PAX5: variants seen among roughly 807,000 people sequenced by gnomAD.
PAX5 encodes the protein paired box 5.
In PAX5, 9 loss-of-function variants were observed where a neutral mutation model predicts 43.7. That is an observed-to-expected ratio of 0.21 (90% CI 0.12 to 0.36). PAX5 has a LOEUF of 0.36. PAX5 is among the 10% of genes least tolerant of loss of function. The pLI, the probability that PAX5 is intolerant of heterozygous loss-of-function variation, is 1.00. For missense variants in PAX5, 383 were observed against 532.7 expected (o/e 0.72, Z 2.77); for synonymous variants, 228 against 214.3 (o/e 1.06, Z -0.56).
At chr9:36,887,065 T>G (rs571359117) in intron 7 of PAX5, among the ~76,000 whole-genome samples, 1 of 152,220 alleles carries the variant, frequency 6.6e-6, no homozygotes, top group Non-Finnish European at 1.5e-5. Context: ...GGATGAGTTT[T>G]GACTGGCCCA....
chr9:36,892,413 C>T (rs1465181842), intron 7 of PAX5, among the ~76,000 whole-genome samples: 1 of 152,208 alleles, frequency 6.6e-6, no homozygotes, highest in Non-Finnish European at 1.5e-5. Context: ...TAGCGCCAAG[C>T]ATTGTTCTAA....
intron 5 of PAX5, among the ~76,000 whole-genome samples, chr9:37,001,458 C>T (rs1837843909): frequency 6.6e-6 from 1 of 152,268 alleles, no homozygotes; most frequent in African/African-American, 2.4e-5. Context: ...TGCAGCAACA[C>T]AGCACCGCAG....
intron 8 of PAX5, among the ~76,000 whole-genome samples, chr9:36,860,627 A>G (rs533450315): frequency 1.3e-5 from 2 of 152,328 alleles, no homozygotes; most frequent in Admixed American, 1.3e-4. Flanking sequence ...AAGCTTGAGA[A>G]GCACTGATCC....
intron 9 of PAX5, among the ~76,000 whole-genome samples, chr9:36,843,062 G>A (rs1822215902): frequency 6.6e-6 from 1 of 151,916 alleles, no homozygotes; most frequent in South Asian, 2.1e-4. Context: ...GTGTATCAGT[G>A]TGTGAGCGTG....
intron 7 of PAX5, among the ~76,000 whole-genome samples, chr9:36,911,265 C>T (rs1317472361): frequency 6.6e-6 from 1 of 152,206 alleles, no homozygotes; most frequent in Non-Finnish European, 1.5e-5. Context: ...CGGCCTGGCA[C>T]AGAGCGAGAG....
intron 6 of PAX5, among the ~76,000 whole-genome samples, chr9:36,930,547 A>G (rs990979267): frequency 1.3e-5 from 2 of 152,086 alleles, no homozygotes; most frequent in Non-Finnish European, 2.9e-5. Flanking sequence ...TTTTATCTGC[A>G]TCATTGATAG....
intron 8 of PAX5, among the ~76,000 whole-genome samples, chr9:36,847,867 C>T (rs538903001): frequency 6.6e-6 from 1 of 152,286 alleles, no homozygotes; most frequent in East Asian, 1.9e-4. Context: ...CACCTTGCTG[C>T]CTTGGTCTTG....
intron 7 of PAX5, among the ~76,000 whole-genome samples, chr9:36,907,438 T>C (rs1165784655): frequency 6.6e-6 from 1 of 152,094 alleles, no homozygotes; most frequent in African/African-American, 2.4e-5. Flanking sequence ...AAGTCAGCTG[T>C]CTCTATGCCA....
intron 5 of PAX5, among the ~76,000 whole-genome samples, chr9:36,979,420 T>C (rs1835725582): frequency 2.0e-5 from 3 of 152,234 alleles, no homozygotes; most frequent in Admixed American, 1.3e-4. Context: ...CTGTACCTTA[T>C]AGGGGCATAT....
chr9:36,962,320 G>A (rs1834040297), intron 6 of PAX5, among the ~76,000 whole-genome samples: 1 of 152,202 alleles, frequency 6.6e-6, no homozygotes, highest in Non-Finnish European at 1.5e-5. Context: ...GGAGGCCCAT[G>A]GAACCATCTT....
intron 7 of PAX5, among the ~76,000 whole-genome samples, chr9:36,903,836 C>T (rs1389993069): frequency 1.3e-5 from 2 of 152,324 alleles, no homozygotes; most frequent in African/African-American, 4.8e-5. Flanking sequence ...GGCCTGAAAT[C>T]CACCTATCAG....
At chr9:36,978,697 C>G (rs1356993985) in intron 5 of PAX5, among the ~76,000 whole-genome samples, 1 of 152,096 alleles carries the variant, frequency 6.6e-6, no homozygotes. Flanking sequence ...CACTAAATTT[C>G]TCCAAGATGG....
Position 37,002,794 on chromosome 9 carries a change from G to A in PAX5, c.476-18C>T, listed in dbSNP as rs767023215. ...AGTGGACACTGCGCGGAGAAAGACG[G>A]GCGGTCAGGGCCGCAGAGGGCTGAG... On this transcript the variant is annotated intron_variant, in intron 4 of 9. Transcript: ENST00000358127. The A allele has an allele frequency of 1.9e-6, 3 of 1,601,542 alleles. No homozygotes were observed. The African/African-American group carries it at 4.0e-5, about 21-fold the overall frequency.
At chr9:36,940,133 C>G (rs2132054818) in intron 6 of PAX5, among the ~76,000 whole-genome samples, 1 of 152,330 alleles carries the variant, frequency 6.6e-6, no homozygotes, top group South Asian at 2.1e-4. Flanking sequence ...CTACTCCTTC[C>G]AGACCATCAC....
intron 7 of PAX5, among the ~76,000 whole-genome samples, chr9:36,905,994 G>A (rs1261415337): frequency 6.6e-6 from 1 of 152,152 alleles, no homozygotes; most frequent in Non-Finnish European, 1.5e-5. Flanking sequence ...ACCAGCCAGT[G>A]CTCACAGAGA....
intron 5 of PAX5, among the ~76,000 whole-genome samples, chr9:36,994,610 G>A (rs1837230504): frequency 6.6e-6 from 1 of 152,162 alleles, no homozygotes; most frequent in Admixed American, 6.5e-5. Flanking sequence ...TTCATGCTAA[G>A]ACTCCAGAAG....
At chr9:36,969,467 C>A (rs536192737) in intron 5 of PAX5, among the ~76,000 whole-genome samples, 2 of 152,366 alleles carry the variant, frequency 1.3e-5, no homozygotes, top group South Asian at 4.1e-4. Context: ...GTCTGGTCAC[C>A]CAGTAGAGCC....
At chr9:37,029,123 T>A (rs1022374567) in intron 1 of PAX5, among the ~76,000 whole-genome samples, 4 of 152,214 alleles carry the variant, frequency 2.6e-5, no homozygotes, top group African/African-American at 9.7e-5. Context: ...ATATTAAACA[T>A]AAATCCACAA....
In PAX5 at chr9:36,892,536, GAT is replaced by G. The variant is rs374503942; in HGVS notation, c.911-10433_911-10432del. Reference sequence around the variant, plus strand: ...TACTCAGCTCTTAAGAGGTGAGCTGGATGCAGGCTGAGGCTGACTTCAGAGCC... The same window carrying G: ...TACTCAGCTCTTAAGAGGTGAGCTGGGCAGGCTGAGGCTGACTTCAGAGCC... On this transcript the variant is annotated intron_variant, in intron 7 of 9. Coordinates refer to ENST00000358127, the MANE Select transcript of PAX5 (RefSeq NM_016734.3). 4.0e-4 allele frequency among the ~76,000 whole-genome samples: 61 copies of G among 152,264 alleles called. No homozygotes were observed. In the East Asian group the frequency reaches 9.8e-3, roughly 25 times the overall value.
Sources: allele counts gnomAD v4.1 joint callset (sites outside exome capture counted in the v4.1 genomes callset), GRCh38; gene constraint gnomAD v4.1.1; transcripts MANE v1.5; gene names NCBI Gene and HGNC (gene_info 2026-07-23, HGNC 2026-07-21).